Variants in PLEKHG3 observed in about 807,000 individuals in gnomAD.
The protein encoded by PLEKHG3 is pleckstrin homology domain-containing family G member 3.
In PLEKHG3, 62 loss-of-function variants were observed where a neutral mutation model predicts 94.9. The ratio of observed to expected loss-of-function variants is 0.65; its 90% confidence interval spans 0.53 to 0.81. The LOEUF (loss-of-function observed/expected upper bound fraction) is 0.81. Ranked by LOEUF, PLEKHG3 falls within the 30% of genes least tolerant of loss-of-function variation. The pLI is 0.00. For synonymous variants in PLEKHG3, 614 were observed against 654.0 expected, an observed-to-expected ratio of 0.94 and a Z score of 0.93; for missense variants, 1,461 against 1,619.3, an observed-to-expected ratio of 0.90 and a Z score of 1.68.
At position 64,741,651 on chromosome 14, in the gene PLEKHG3, C is replaced by G; in HGVS notation, c.2134C>G (p.Arg712Gly). ...CKKKESALST[R>G]DRLLLDKIKS... ...GAAGAAGGAATCAGCACTCTCCACC[C>G]GAGACCGGCTGTTGCTAGACAAGAT... Residue 712 changes from arginine to glycine, a missense_variant, in exon 16 of 17, where the codon CGA becomes GGA. Coordinates refer to ENST00000247226, the MANE Select transcript of PLEKHG3 (RefSeq NM_001308147.2). 6.2e-7 allele frequency: 1 copy of G among 1,612,976 alleles called. No individual in the cohort carries two copies. The highest frequency in any genetic ancestry group is 8.5e-7 in the Non-Finnish European group (1 of 1,180,038).
In PLEKHG3 at chr14:64,748,523, C is replaced by G. The variant is rs1594728700; in HGVS notation, c.*4820C>G. 6.6e-6 allele frequency: 1 copy of G among 152,382 alleles called. No individual in the cohort carries two copies. Among genetic ancestry groups the G allele is most frequent in the Non-Finnish European group, 1.5e-5 (1 of 68,164 alleles). 9.4% of individuals were successfully genotyped at this position (152,382 alleles called of 1,614,324 possible). A position where few individuals can be genotyped will look rare whatever the true frequency, so the allele number is the denominator to read the frequency against. On this transcript the variant is annotated 3_prime_UTR_variant, in exon 17 of 17. Transcript: ENST00000247226. ...ATGAGGAATGGTCTGACCTTGCTGC[C>G]CTTCCTGGGACCGCCTGTGGTGGCA... is the stretch of plus-strand genomic sequence containing the variant.
chr14:64,729,038 C>T lies in PLEKHG3; in HGVS notation c.394C>T (p.Pro132Ser). The T allele has an allele frequency of 6.5e-7, 1 of 1,529,178 alleles. No homozygotes were observed. The highest frequency in any genetic ancestry group is 8.8e-7 in the Non-Finnish European group (1 of 1,140,868). 94.7% of individuals were successfully genotyped at this position (1,529,178 alleles called of 1,614,324 possible). Residue 132 changes from proline to serine, a missense_variant, in exon 3 of 17, where the codon CCA becomes TCA. Physicochemically the swap from Pro to Ser is moderately conservative, Grantham distance 74. Transcript: ENST00000247226. ...KIIDTPGLLK[P>S]EQVSALFGNI... ...CATTGACACACCCGGGCTGCTGAAG[C>T]CAGAACAGGTCAGCGCCCTCTTTGG...
Position 64,750,179 on chromosome 14 carries a change from C to G in PLEKHG3, c.*6476C>G. On this transcript the variant is annotated 3_prime_UTR_variant, in exon 17 of 17. Transcript: ENST00000247226. ...CCTGCAAAGATGCAGACAGGCAGGT[C>G]ACCCACATCCTGATATGGTATCTCT... The G allele has an allele frequency of 6.2e-7, 1 of 1,606,926 alleles. No homozygotes were observed. Among genetic ancestry groups the G allele is most frequent in the South Asian group, 1.1e-5 (1 of 90,758 alleles).
rs2081260892 is a variant in PLEKHG3 at position 64,721,472 on chromosome 14, G to C, written c.-39-6121G>C. Among the ~76,000 whole-genome samples the C allele has an allele frequency of 6.6e-6, 1 of 152,178 alleles. No individual in the cohort carries two copies. The highest frequency in any genetic ancestry group is 1.5e-5 in the Non-Finnish European group (1 of 68,030). ...TTTCCTTCCTGGCAGCTGTGGTCCT[G>C]CTGCAAGGGACCCAGCCAGACTACA... On this transcript the variant is annotated intron_variant, in intron 1 of 16. Coordinates refer to ENST00000247226, the MANE Select transcript of PLEKHG3 (RefSeq NM_001308147.2). This position sits in a 1 kb window ranked among gnomAD's most constrained non-coding sequence, Gnocchi z 4.3.
intron 12 of PLEKHG3, among the ~76,000 whole-genome samples, chr14:64,734,915 A>G (rs957876655): frequency 6.6e-6 from 1 of 151,910 alleles, no homozygotes; most frequent in Non-Finnish European, 1.5e-5. Flanking sequence ...TAGTAGAAAC[A>G]GGGTTTCACC....
chr14:64,740,232 C>T (rs953618208), intron 15 of PLEKHG3, among the ~76,000 whole-genome samples: 4 of 152,152 alleles, frequency 2.6e-5, no homozygotes, highest in African/African-American at 7.2e-5. Flanking sequence ...ATGGGTCTTG[C>T]TCTGCAGATT....
In PLEKHG3 at chr14:64,741,704, C is replaced by T. The variant is rs2139397959; in HGVS notation, c.2187C>T (p.His729=). 1.9e-6 allele frequency: 3 copies of T among 1,613,122 alleles called. No homozygotes were observed. The East Asian group carries it at 6.7e-5, about 36-fold the overall frequency. ...KIKSYYENAE[H]HDAGFSVRRR... ...AGAGCTATTATGAAAATGCAGAACA[C>T]CATGATGCAGGCTTCAGCGTCCGTC... Residue 729 remains histidine (H), a synonymous_variant, in exon 16 of 17, where the codon CAC becomes CAT. Transcript: ENST00000247226.
Position 64,738,996 on chromosome 14 carries a change from C to T in PLEKHG3, c.1518+141C>T. On this transcript the variant is annotated intron_variant, in intron 15 of 16. Transcript: ENST00000247226. The surrounding 1 kb of genome is among the most constrained non-coding windows in gnomAD (Gnocchi z 4.8). The stretch of plus-strand genomic sequence containing the variant: ...ATTCCCCACCTCCCAGGACTCTCAG[C>T]CCTGCATGAAGCCTGTTTGGCCTAG... 1 of 644,580 alleles carries T rather than the reference C, an allele frequency of 1.6e-6. No homozygotes were observed. Among genetic ancestry groups the T allele is most frequent in the Non-Finnish European group, 2.8e-6 (1 of 354,626 alleles). 39.9% of individuals were successfully genotyped at this position (644,580 alleles called of 1,614,324 possible). A position where few individuals can be genotyped will look rare whatever the true frequency, so the allele number is the denominator to read the frequency against.
At chr14:64,711,383 G>T (rs2081063888) in intron 1 of PLEKHG3, among the ~76,000 whole-genome samples, 1 of 151,564 alleles carries the variant, frequency 6.6e-6, no homozygotes, top group Non-Finnish European at 1.5e-5. Flanking sequence ...CCCAAAGGGT[G>T]TTTGCCTCAG....
rs541911963 is a variant in PLEKHG3, at chr14:64,738,679, G to C, written c.1405-63G>C. 1 of 1,177,284 alleles carries C rather than the reference G, an allele frequency of 8.5e-7. No individual in the cohort carries two copies. Among genetic ancestry groups the C allele is most frequent in the East Asian group, 2.6e-5 (1 of 39,160 alleles). The allele number at this position is 1,177,284 out of a possible 1,614,324, so 72.9% of individuals were successfully genotyped here. A position where few individuals can be genotyped will look rare whatever the true frequency, so the allele number is the denominator to read the frequency against. On this transcript the variant is annotated intron_variant, in intron 14 of 16. Coordinates refer to ENST00000247226, the MANE Select transcript of PLEKHG3 (RefSeq NM_001308147.2). This position sits in a 1 kb window ranked among gnomAD's most constrained non-coding sequence, Gnocchi z 4.8. ...GGGCGTGGGAGGCACTGCCCGTGTT[G>C]GGATGCAGAAGGGATCAGCTTCCAG... is the stretch of plus-strand genomic sequence containing the variant.
rs2081272448 is a variant in PLEKHG3, at chr14:64,722,142, T to C, written c.-39-5451T>C. On this transcript the variant is annotated intron_variant, in intron 1 of 16. Transcript: ENST00000247226. This position sits in a 1 kb window ranked among gnomAD's most constrained non-coding sequence, Gnocchi z 4.3. ...AGCCCTTGGAATGTTTAGCAGATGA[T>C]GTAGTTGAGGGATGAAGGCCACACA... is the stretch of plus-strand genomic sequence containing the variant. 6.6e-6 allele frequency among the ~76,000 whole-genome samples: 1 copy of C among 152,060 alleles called. No homozygotes were observed. The highest frequency in any genetic ancestry group is 6.5e-5 in the Admixed American group (1 of 15,274).
chr14:64,716,467 AC>A lies in PLEKHG3; in HGVS notation c.-39-11125del, dbSNP rs2081154286. Among the ~76,000 whole-genome samples, 2 of 58,168 alleles carry A rather than the reference AC, an allele frequency of 3.4e-5. No individual in the cohort carries two copies. The highest frequency in any genetic ancestry group is 7.6e-5 in the Non-Finnish European group (2 of 26,444). The allele number at this position is 58,168 out of a possible 152,430, so 38.2% of individuals were successfully genotyped here. A position where few individuals can be genotyped will look rare whatever the true frequency, so the allele number is the denominator to read the frequency against. On this transcript the variant is annotated intron_variant, in intron 1 of 16. Coordinates refer to ENST00000247226, the MANE Select transcript of PLEKHG3 (RefSeq NM_001308147.2). This position sits in a 1 kb window ranked among gnomAD's most constrained non-coding sequence, Gnocchi z 5.0. ...ACACACACACACACACACACACACAACACACACACACACAACACACACACAC... is the reference window on the plus strand; with the variant it reads ...ACACACACACACACACACACACACAAACACACACACACAACACACACACAC...
chr14:64,738,832 G>A lies in PLEKHG3; in HGVS notation c.1495G>A (p.Glu499Lys), dbSNP rs777074328. The change falls in exon 15 of 17, where the codon GAG (glutamate) becomes AAG (lysine). Residue 499 changes from glutamate (E) to lysine (K), a missense_variant. Around this residue, in one of 3 missense-constraint regions of PLEKHG3, gnomAD observed 1,201 missense variants for 1,295.5 expected, o/e 0.93. Coordinates refer to ENST00000247226, the MANE Select transcript of PLEKHG3 (RefSeq NM_001308147.2). This position sits in a 1 kb window ranked among gnomAD's most constrained non-coding sequence, Gnocchi z 4.8. ...PTSTEKRMSFESISSLPEVEP... is the reference protein window; with the variant it reads ...PTSTEKRMSFKSISSLPEVEP... The stretch of plus-strand genomic sequence containing the variant: ...CAGTACTGAGAAGCGCATGAGCTTC[G>A]AGTCCATTTCTTCCCTGCCAGAGGT... The A allele has an allele frequency of 4.0e-5, 63 of 1,588,300 alleles. No individual in the cohort carries two copies. The highest frequency in any genetic ancestry group is 1.7e-4 in the Middle Eastern group (1 of 6,060).
rs1307390454 is a variant in PLEKHG3 at position 64,745,713 on chromosome 14, G to GT, written c.*2011dup. 2 of 152,272 alleles carry GT rather than the reference G, an allele frequency of 1.3e-5. No individual in the cohort carries two copies. Among genetic ancestry groups the GT allele is most frequent in the African/African-American group, 4.8e-5 (2 of 41,474 alleles). 9.4% of individuals were successfully genotyped at this position (152,272 alleles called of 1,614,324 possible). A position where few individuals can be genotyped will look rare whatever the true frequency, so the allele number is the denominator to read the frequency against. On this transcript the variant is annotated 3_prime_UTR_variant, in exon 17 of 17. Coordinates refer to ENST00000247226, the MANE Select transcript of PLEKHG3 (RefSeq NM_001308147.2). The surrounding 1 kb of genome is among the most constrained non-coding windows in gnomAD (Gnocchi z 5.0). ...GCGCTGCTTCTGCTCAAGAGAGGTT[G>GT]TCACTAGCCTCTGATCTTCCCTTGA... is the stretch of plus-strand genomic sequence containing the variant.
At position 64,749,348 on chromosome 14, in the gene PLEKHG3, T is replaced by C; in HGVS notation, c.*5645T>C. 1.2e-6 allele frequency: 2 copies of C among 1,610,490 alleles called. No homozygotes were observed. The highest frequency in any genetic ancestry group is 1.1e-5 in the South Asian group (1 of 90,866). On this transcript the variant is annotated 3_prime_UTR_variant, in exon 17 of 17. Transcript: ENST00000247226. The surrounding 1 kb of genome is among the most constrained non-coding windows in gnomAD (Gnocchi z 4.7). ...AGAAGCTGAATCTCTTCTCCTTGTC[T>C]TTCTTGCCGAGGCTGGCGTCGGGGC...
chr14:64,749,447 GCCCT>G lies in PLEKHG3; in HGVS notation c.*5745_*5748del. 1 of 1,602,286 alleles carries G rather than the reference GCCCT, an allele frequency of 6.2e-7. No homozygotes were observed. Among genetic ancestry groups the G allele is most frequent in the Non-Finnish European group, 8.5e-7 (1 of 1,178,670 alleles). ...GGGACTCGTTGATGGCGGTGCTCAC[GCCCT>G]GCAGCCAGGACAGCATCTCCTCCTG... On this transcript the variant is annotated 3_prime_UTR_variant, in exon 17 of 17. Coordinates refer to ENST00000247226, the MANE Select transcript of PLEKHG3 (RefSeq NM_001308147.2). The surrounding 1 kb of genome is among the most constrained non-coding windows in gnomAD (Gnocchi z 4.7).
chr14:64,716,389 C>T lies in PLEKHG3; in HGVS notation c.-39-11204C>T, dbSNP rs1360476841. On this transcript the variant is annotated intron_variant, in intron 1 of 16. Transcript: ENST00000247226. This position sits in a 1 kb window ranked among gnomAD's most constrained non-coding sequence, Gnocchi z 5.0. ...CGGGGACTTCAGGGGGACTTCATGT[C>T]GTGAACATTTGGAGTTGAGTGGTTA... Among the ~76,000 whole-genome samples the T allele has an allele frequency of 3.3e-5, 5 of 150,038 alleles. No homozygotes were observed. The highest frequency in any genetic ancestry group is 5.9e-5 in the Non-Finnish European group (4 of 67,592).
In PLEKHG3 at chr14:64,726,773, G is replaced by C; in HGVS notation, c.-39-820G>C. ...GAGTCAGAGGCAGCCTGTACCAGGTGCTGGGGTGGGGCTGCGGAGTCGGGG... is the reference window on the plus strand; with the variant it reads ...GAGTCAGAGGCAGCCTGTACCAGGTCCTGGGGTGGGGCTGCGGAGTCGGGG... On this transcript the variant is annotated intron_variant, in intron 1 of 16. Coordinates refer to ENST00000247226, the MANE Select transcript of PLEKHG3 (RefSeq NM_001308147.2). This position sits in a 1 kb window ranked among gnomAD's most constrained non-coding sequence, Gnocchi z 5.1. Among the ~76,000 whole-genome samples the C allele has an allele frequency of 6.6e-6, 1 of 152,210 alleles. No individual in the cohort carries two copies. The highest frequency in any genetic ancestry group is 1.9e-4 in the East Asian group (1 of 5,194).
At position 64,717,112 on chromosome 14, in the gene PLEKHG3, CGT is replaced by C. The variant is rs3063751; in HGVS notation, c.-39-10445_-39-10444del. The stretch of plus-strand genomic sequence containing the variant: ...GGCTGGCCGCCTTTGGGAATTTACA[CGT>C]GTGTGTGTGTGTGTGTGTGTGTGTG... On this transcript the variant is annotated intron_variant, in intron 1 of 16. Coordinates refer to ENST00000247226, the MANE Select transcript of PLEKHG3 (RefSeq NM_001308147.2). The surrounding 1 kb of genome is among the most constrained non-coding windows in gnomAD (Gnocchi z 4.7). 0.032 allele frequency among the ~76,000 whole-genome samples: 4,553 copies of C among 143,980 alleles called. 95 individuals carry two copies. Among genetic ancestry groups the C allele is most frequent in the East Asian group, 0.069 (335 of 4,822 alleles). The allele number at this position is 143,980 out of a possible 152,430, so 94.5% of individuals were successfully genotyped here.
Sources: gnomAD v4.1 joint callset for allele counts (sites outside exome capture counted in the v4.1 genomes callset) on GRCh38, gnomAD v4.1.1 for gene constraint, gnomAD v4.1.1 regional missense constraint, Gnocchi (gnomAD v3.1) non-coding constraint, MANE v1.5 for transcripts, NCBI Gene and HGNC (gene_info 2026-07-23, HGNC 2026-07-21) for gene names.